The following JAKMIP3 variants were observed in gnomAD, a reference collection of about 807,000 sequenced individuals.
JAKMIP3 encodes Janus kinase and microtubule interacting protein 3.
JAKMIP3 carries 58 observed loss-of-function variants against 118.5 expected under a neutral mutation model. The ratio of observed to expected loss-of-function variants is 0.49; its 90% CI spans 0.40 to 0.61. The LOEUF is 0.61. JAKMIP3 is among the 20% of genes least tolerant of loss of function. JAKMIP3 has a pLI of 0.00. For missense variants in JAKMIP3, 950 were observed against 1,109.0 expected, an observed-to-expected ratio of 0.86 and a Z score of 2.04; for synonymous variants, 486 against 451.2, an observed-to-expected ratio of 1.08 and a Z score of -0.98.
chr10:132,133,634 T>A (rs535654063), intron 4 of JAKMIP3, 107 bp downstream of exon 4: 1 of 1,050,278 alleles, frequency 9.5e-7, no homozygotes, highest in African/African-American at 1.6e-5. Flanking sequence ...AGAGCCCGAG[T>A]TGAGGCAGCA....
In JAKMIP3 at chr10:132,168,249, G is replaced by A; in HGVS notation, c.*319G>A. ...CAGCCCCCATCCCATTTCCAGGGAT[G>A]TGTAGCATTCCCTGCCAAGCAGGGG... On this transcript the variant is annotated 3_prime_UTR_variant, in exon 23 of 24. Coordinates refer to ENST00000684848, the MANE Select transcript of JAKMIP3 (RefSeq NM_001323087.2). 2 of 1,289,450 alleles carry A rather than the reference G, an allele frequency of 1.6e-6. No individual in the cohort carries two copies. Among genetic ancestry groups the A allele is most frequent in the South Asian group, 1.2e-5 (1 of 81,000 alleles). 79.9% of individuals were successfully genotyped at this position (1,289,450 alleles called of 1,614,324 possible). A position where few individuals can be genotyped will look rare whatever the true frequency, so the allele number is the denominator to read the frequency against.
At chr10:132,173,301 T>G (rs1414246893) in intron 23 of JAKMIP3, among the ~76,000 whole-genome samples, 1 of 146,708 alleles carries the variant, frequency 6.8e-6, no homozygotes, top group Admixed American at 6.8e-5. Flanking sequence ...CAATGGTGTG[T>G]GGTTCTTCGC....
chr10:132,142,876 G>A (rs183889906), intron 11 of JAKMIP3, among the ~76,000 whole-genome samples: 1 of 152,152 alleles, frequency 6.6e-6, no homozygotes, highest in East Asian at 1.9e-4. Context: ...GGCCAGAGAT[G>A]CCAGTGTCTG....
At chr10:132,096,505 C>T (rs1263329965) in intron 1 of JAKMIP3, among the ~76,000 whole-genome samples, 2 of 152,208 alleles carry the variant, frequency 1.3e-5, no homozygotes, top group African/African-American at 4.8e-5. Flanking sequence ...TAATATCTGA[C>T]TTCCACCCCA....
intron 4 of JAKMIP3, 67 bp from the exon 5 acceptor site, chr10:132,134,974 T>C (rs2051450339): frequency 6.3e-7 from 1 of 1,586,700 alleles, no homozygotes; most frequent in Non-Finnish European, 8.6e-7. Context: ...CGTAGCGTGC[T>C]GGGATTTGCA....
intron 19 of JAKMIP3, among the ~76,000 whole-genome samples, chr10:132,162,315 C>G (rs1016685004): frequency 6.6e-6 from 1 of 152,244 alleles, no homozygotes; most frequent in Non-Finnish European, 1.5e-5. Flanking sequence ...CACGGAGGTC[C>G]TGATGAGCAC....
rs2043683809 is a variant in JAKMIP3 at position 132,095,201 on chromosome 10, CTG to C, written c.-137-9469_-137-9468del. 2.0e-5 allele frequency among the ~76,000 whole-genome samples: 3 copies of C among 152,336 alleles called. No homozygotes were observed. In the South Asian group the frequency reaches 6.2e-4, roughly 32 times the overall value. ...TTCATTCTTCCTCTACCTGTGGAGTCTGTCACTGGATTCACACCCTCCCCCAA... is the reference window on the plus strand; with the variant it reads ...TTCATTCTTCCTCTACCTGTGGAGTCTCACTGGATTCACACCCTCCCCCAA... On this transcript the variant is annotated intron_variant, in intron 1 of 23. Coordinates refer to ENST00000684848, the MANE Select transcript of JAKMIP3 (RefSeq NM_001323087.2).
intron 3 of JAKMIP3, among the ~76,000 whole-genome samples, chr10:132,126,771 G>A (rs185279308): frequency 3.3e-5 from 5 of 152,096 alleles, no homozygotes; most frequent in African/African-American, 9.6e-5. Context: ...TTATTCTGTT[G>A]ATGAGATGAC....
Position 132,141,778 on chromosome 10 carries a change from C to T in JAKMIP3, c.1474-142C>T, listed in dbSNP as rs1466976715. 18 of 928,344 alleles carry T rather than the reference C, an allele frequency of 1.9e-5. No homozygotes were observed. The East Asian group carries it at 4.9e-4, about 25-fold the overall frequency. 57.5% of individuals were successfully genotyped at this position (928,344 alleles called of 1,614,324 possible). A position where few individuals can be genotyped will look rare whatever the true frequency, so the allele number is the denominator to read the frequency against. Reference sequence around the variant, plus strand: ...CCTCCCTGCACACTGGAGCAGGTCCCCTCCCTCATGCTGCTAGAGAGACCC... The same window carrying T: ...CCTCCCTGCACACTGGAGCAGGTCCTCTCCCTCATGCTGCTAGAGAGACCC... On this transcript the variant is annotated intron_variant, in intron 10 of 23. Coordinates refer to ENST00000684848, the MANE Select transcript of JAKMIP3 (RefSeq NM_001323087.2).
At chr10:132,061,062 T>C (rs1038103567), upstream of JAKMIP3, among the ~76,000 whole-genome samples, 7 of 152,116 alleles carry the variant, frequency 4.6e-5, no homozygotes, top group Non-Finnish European at 8.8e-5. Flanking sequence ...AAACAAACTC[T>C]TAGGAATAAT....
intron 6 of JAKMIP3, 111 bp from the exon 7 acceptor site, chr10:132,136,908 C>G: frequency 8.1e-7 from 1 of 1,239,916 alleles, no homozygotes; most frequent in Non-Finnish European, 1.1e-6. Context: ...GCCAGCCGGG[C>G]AGCTGAGAGT....
At chr10:132,059,216 C>T (rs1284194753) in intron 1 of JAKMIP3, among the ~76,000 whole-genome samples, 28 of 152,264 alleles carry the variant, frequency 1.8e-4, no homozygotes. Context: ...TTTGGACAGC[C>T]TCTGGGTGCC....
chr10:132,114,806 G>A (rs150229414), intron 2 of JAKMIP3, among the ~76,000 whole-genome samples: 1 of 152,188 alleles, frequency 6.6e-6, no homozygotes, highest in African/African-American at 2.4e-5. Context: ...CAGCACCGAG[G>A]TCTTGGGCGT....
At chr10:132,072,268 G>C (rs1201321718) in intron 1 of JAKMIP3, among the ~76,000 whole-genome samples, 1 of 152,070 alleles carries the variant, frequency 6.6e-6, no homozygotes, top group Admixed American at 6.6e-5. Flanking sequence ...GTTTAGGCTG[G>C]GTGCTGTGGC....
At chr10:132,077,971 C>T (rs1008851873) in intron 1 of JAKMIP3, among the ~76,000 whole-genome samples, 2 of 152,182 alleles carry the variant, frequency 1.3e-5, no homozygotes, top group Non-Finnish European at 2.9e-5. Flanking sequence ...GCCACCACAC[C>T]TGGCTAATTT....
chr10:132,046,169 C>G (rs539783903), intron 1 of JAKMIP3, among the ~76,000 whole-genome samples: 38 of 152,174 alleles, frequency 2.5e-4, no homozygotes, highest in African/African-American at 8.7e-4. Context: ...TAAAGCCGTC[C>G]AGGGGCCAGG....
At chr10:132,160,216 G>A (rs1220387365) in intron 19 of JAKMIP3, among the ~76,000 whole-genome samples, 9 of 19,744 alleles carry the variant, frequency 4.6e-4, no homozygotes, top group Non-Finnish European at 5.0e-4. Flanking sequence ...TGCTGGGTGG[G>A]CCTCTCCCTG....
chr10:132,153,127 G>T, intron 17 of JAKMIP3, 104 bp downstream of exon 17: 1 of 879,136 alleles, frequency 1.1e-6, no homozygotes. Flanking sequence ...CTGCAGGGCC[G>T]GGTTTGGGGG....
At position 132,075,406 on chromosome 10, in the gene JAKMIP3, TC is replaced by T. The variant is rs1397876476; in HGVS notation, c.-138+9346del. Among the ~76,000 whole-genome samples, 5 of 93,984 alleles carry T rather than the reference TC, an allele frequency of 5.3e-5. No individual in the cohort carries two copies. In the East Asian group the frequency reaches 2.1e-3, roughly 40 times the overall value. The allele number at this position is 93,984 out of a possible 152,430, so 61.7% of individuals were successfully genotyped here. On this transcript the variant is annotated intron_variant, in intron 1 of 23. Coordinates refer to ENST00000684848, the MANE Select transcript of JAKMIP3 (RefSeq NM_001323087.2). ...TGCTATTGCTTTCATATACTTCACC[TC>T]TTTTTTTTTTTTTTTTTTAAAGACA... is the stretch of plus-strand genomic sequence containing the variant.
Sources: gnomAD v4.1 joint callset for allele counts (sites outside exome capture counted in the v4.1 genomes callset) on GRCh38, gnomAD v4.1.1 for gene constraint, MANE v1.5 for transcripts, NCBI Gene and HGNC (gene_info 2026-07-23, HGNC 2026-07-21) for gene names.